The following FUT8 variants were observed in gnomAD, a reference collection of about 807,000 sequenced individuals.
FUT8 encodes alpha-(1,6)-fucosyltransferase.
FUT8 carries 29 observed loss-of-function variants against 71.3 expected under a neutral mutation model. The observed-to-expected ratio is 0.41, with a 90% CI of 0.30 to 0.55. FUT8 has a LOEUF of 0.55. Ranked by LOEUF, FUT8 falls within the 20% of genes least tolerant of loss-of-function variation. The probability of loss-of-function intolerance (pLI) is 0.34; values close to 1 mark genes in which losing one functional copy is unlikely to be tolerated. For missense variants in FUT8, 544 were observed against 702.1 expected (o/e 0.77, Z 2.55); for synonymous variants, 254 against 239.3 (o/e 1.06, Z -0.57).
chr14:65,611,297 ACACAC>A lies in FUT8; in HGVS notation c.204-4679_204-4675del, dbSNP rs1566851571. ...CACACACACACACACACACACACACACACACCCCCCAAGTAATAGCCTTGATTTTG... is the reference window on the plus strand; with the variant it reads ...CACACACACACACACACACACACACACCCCCAAGTAATAGCCTTGATTTTG... On this transcript the variant is annotated intron_variant, in intron 3 of 10. Coordinates refer to ENST00000673929, the MANE Select transcript of FUT8 (RefSeq NM_001371533.1). Among the ~76,000 whole-genome samples, 18 of 48,774 alleles carry A rather than the reference ACACAC, an allele frequency of 3.7e-4. 1 individual carries two copies. The highest frequency in any genetic ancestry group is 1.9e-3 in the African/African-American group (17 of 8,956). The allele number at this position is 48,774 out of a possible 152,430, so 32.0% of individuals were successfully genotyped here. A position where few individuals can be genotyped will look rare whatever the true frequency, so the allele number is the denominator to read the frequency against.
chr14:65,383,473 C>T, the FUT8 span, among the ~76,000 whole-genome samples: 2 of 152,064 alleles, frequency 1.3e-5, no homozygotes, highest in African/African-American at 4.8e-5. Context: ...CGGGGTTTCA[C>T]CATGTTGGCC....
chr14:65,692,526 T>C (rs1481898215), intron 7 of FUT8, among the ~76,000 whole-genome samples: 6 of 100,538 alleles, frequency 6.0e-5, no homozygotes, highest in African/African-American at 1.2e-4. Context: ...CCCACCTCCC[T>C]CCCGGACGGG....
At chr14:65,692,925 C>T (rs1209620495) in intron 7 of FUT8, among the ~76,000 whole-genome samples, 4 of 150,610 alleles carry the variant, frequency 2.7e-5, no homozygotes, top group African/African-American at 9.8e-5. Flanking sequence ...CGGGCAGAGA[C>T]GCTCCTCACT....
At chr14:65,696,834 G>A (rs1282928345) in intron 7 of FUT8, among the ~76,000 whole-genome samples, 10 of 152,004 alleles carry the variant, frequency 6.6e-5, no homozygotes. Context: ...ACCTACTACT[G>A]AGGCCATTAA....
At chr14:65,519,175 G>GTGGAA (rs1318596178) in intron 2 of FUT8, among the ~76,000 whole-genome samples, 1 of 152,146 alleles carries the variant, frequency 6.6e-6, no homozygotes, top group East Asian at 1.9e-4. Flanking sequence ...TAGTGAGGAA[G>GTGGAA]TGGAACGTGT....
chr14:65,373,156 C>G, the FUT8 span, among the ~76,000 whole-genome samples: 2 of 151,722 alleles, frequency 1.3e-5, no homozygotes, highest in Non-Finnish European at 2.9e-5. Flanking sequence ...GGATCTTAGT[C>G]AACTGTTGAC....
chr14:65,455,945 G>A (rs1398456319), intron 2 of FUT8, among the ~76,000 whole-genome samples: 1 of 152,098 alleles, frequency 6.6e-6, no homozygotes, highest in Non-Finnish European at 1.5e-5. Context: ...CTTTTAAATA[G>A]TTTTGTACTT....
chr14:65,650,422 G>T (rs1891334247), intron 6 of FUT8, among the ~76,000 whole-genome samples: 1 of 151,494 alleles, frequency 6.6e-6, no homozygotes, highest in Non-Finnish European at 1.5e-5. Context: ...GGAGGCCTCA[G>T]GAAACTTACA....
the FUT8 span, among the ~76,000 whole-genome samples, chr14:65,369,030 T>A: frequency 5.3e-5 from 8 of 152,270 alleles, no homozygotes; most frequent in African/African-American, 1.4e-4. This position sits in a 1 kb window ranked among gnomAD's most constrained non-coding sequence, Gnocchi z 4.6. Context: ...CTACACATAA[T>A]CAATATACAA....
intron 3 of FUT8, among the ~76,000 whole-genome samples, chr14:65,606,688 T>G (rs1888608924): frequency 6.6e-6 from 1 of 151,926 alleles, no homozygotes; most frequent in African/African-American, 2.4e-5. Flanking sequence ...CTACACTGTT[T>G]CCATTAGTAA....
chr14:65,417,652 T>G (rs757208697), intron 1 of FUT8, among the ~76,000 whole-genome samples: 1 of 152,204 alleles, frequency 6.6e-6, no homozygotes, highest in Non-Finnish European at 1.5e-5. Context: ...GTCTTTTTTT[T>G]GGTCAGAAAA....
the FUT8 span, among the ~76,000 whole-genome samples, chr14:65,378,253 A>G: frequency 6.6e-6 from 1 of 152,108 alleles, no homozygotes; most frequent in Non-Finnish European, 1.5e-5. Context: ...GTGAGCTGCT[A>G]AGAAAGAGGT....
At chr14:65,484,228 C>T (rs1243440075) in intron 2 of FUT8, among the ~76,000 whole-genome samples, 1 of 152,058 alleles carries the variant, frequency 6.6e-6, no homozygotes, top group East Asian at 1.9e-4. Context: ...AAAAGACAAT[C>T]CTTTTATTTC....
chr14:65,734,060 A>G (rs1896105735), intron 10 of FUT8, among the ~76,000 whole-genome samples: 1 of 152,182 alleles, frequency 6.6e-6, no homozygotes, highest in Non-Finnish European at 1.5e-5. Flanking sequence ...GTTTATGCAC[A>G]TATTATTGGT....
intron 3 of FUT8, among the ~76,000 whole-genome samples, chr14:65,594,572 C>G (rs1887864656): frequency 6.6e-6 from 1 of 152,226 alleles, no homozygotes; most frequent in African/African-American, 2.4e-5. Flanking sequence ...TTTTTGGGTA[C>G]CGGCATGTGG....
At chr14:65,440,015 GTTCAGCTT>G (rs2065629949) in intron 1 of FUT8, among the ~76,000 whole-genome samples, 1 of 130,410 alleles carries the variant, frequency 7.7e-6, no homozygotes, top group Non-Finnish European at 1.6e-5. Flanking sequence ...GTGGAATACT[GTTCAGCTT>G]TTCAGGAGAA....
chr14:65,565,924 A>G (rs1355672252), intron 3 of FUT8, among the ~76,000 whole-genome samples: 3 of 151,742 alleles, frequency 2.0e-5, no homozygotes, highest in African/African-American at 7.2e-5. Flanking sequence ...TATAAACACA[A>G]AATTATATTT....
chr14:65,620,212 T>C (rs1345349676), intron 5 of FUT8, among the ~76,000 whole-genome samples: 2 of 152,192 alleles, frequency 1.3e-5, no homozygotes, highest in Non-Finnish European at 2.9e-5. Context: ...TGGTAATTTA[T>C]AACAATTATA....
intron 7 of FUT8, among the ~76,000 whole-genome samples, chr14:65,716,849 G>GGC (rs1566912938): frequency 7.0e-6 from 1 of 142,416 alleles, no homozygotes. Flanking sequence ...CTTCCCAGAC[G>GGC]GGGCGGCCGG....
Sources: allele counts gnomAD v4.1 joint callset (sites outside exome capture counted in the v4.1 genomes callset), GRCh38; gene constraint gnomAD v4.1.1; non-coding constraint Gnocchi (gnomAD v3.1); transcripts MANE v1.5; gene names NCBI Gene and HGNC (gene_info 2026-07-23, HGNC 2026-07-21).